ZNF420: variants seen among roughly 807,000 people sequenced by gnomAD.
ZNF420 encodes ATM and p53-associated KZNF protein.
A neutral mutation model predicts 44.7 loss-of-function variants in ZNF420; 31 were observed. The ratio of observed to expected loss-of-function variants is 0.69; its 90% CI spans 0.52 to 0.94. The LOEUF is 0.94. Among genes scored for constraint, ZNF420 ranks in the 40% least tolerant of loss-of-function variants. ZNF420 has a pLI of 0.00. For missense variants in ZNF420, 681 were observed against 827.9 expected (o/e 0.82, Z 2.18); for synonymous variants, 245 against 267.4 (o/e 0.92, Z 0.82).
intron 4 of ZNF420, among the ~76,000 whole-genome samples, chr19:37,094,925 G>A (rs1456611443): frequency 6.6e-6 from 1 of 152,080 alleles, no homozygotes; most frequent in Admixed American, 6.6e-5. Context: ...GAGGTCAAGA[G>A]ATCAAGACCA....
At chr19:37,102,810 A>G (rs1413123839) in intron 4 of ZNF420, among the ~76,000 whole-genome samples, 1 of 151,902 alleles carries the variant, frequency 6.6e-6, no homozygotes, top group Non-Finnish European at 1.5e-5. Context: ...TCTCATAAAC[A>G]CTTTTTAACT....
At chr19:37,012,891 G>T (rs1717935746) in intron 1 of ZNF420, among the ~76,000 whole-genome samples, 1 of 152,188 alleles carries the variant, frequency 6.6e-6, no homozygotes, top group Admixed American at 6.5e-5. Context: ...GTTTGCGTGT[G>T]TGTGTGTTGG....
chr19:37,126,545 G>GAATCTT (rs1971356671), intron 4 of ZNF420, among the ~76,000 whole-genome samples: 1 of 152,116 alleles, frequency 6.6e-6, no homozygotes, highest in Non-Finnish European at 1.5e-5. Context: ...ATCTGAATCT[G>GAATCTT]AATCAGTTGA....
rs2074668039 is a variant in ZNF420 at position 37,024,074 on chromosome 19, C to T, written c.-125+15992C>T. ...GAAACATTTGTATCCTCTCTCAAGC[C>T]TGCTACTTGGAGGCTTCATCTGCAG... On this transcript the variant is annotated intron_variant, in intron 1 of 4. Transcript: ENST00000587029. Among the ~76,000 whole-genome samples the T allele has an allele frequency of 2.0e-5, 3 of 152,132 alleles. No individual in the cohort carries two copies. In the South Asian group the frequency reaches 6.2e-4, roughly 32 times the overall value.
intron 1 of ZNF420, among the ~76,000 whole-genome samples, chr19:37,052,747 G>A (rs969259906): frequency 2.0e-5 from 3 of 152,212 alleles, no homozygotes; most frequent in Non-Finnish European, 2.9e-5. Context: ...AGTCTGATGG[G>A]CTTCCCTTTG....
chr19:37,085,745 C>A lies in ZNF420; in HGVS notation c.-80-3294C>A, dbSNP rs894922979. Among the ~76,000 whole-genome samples the A allele has an allele frequency of 1.3e-4, 20 of 151,248 alleles. No homozygotes were observed. The East Asian group carries it at 3.1e-3, about 24-fold the overall frequency. ...TAATTTTTTTCTTTATTTCTTTTTT[C>A]TTTCTTCTCTTTTCTTTTTTTTTAA... is the stretch of plus-strand genomic sequence containing the variant. On this transcript the variant is annotated intron_variant, in intron 2 of 4. Coordinates refer to ENST00000337995, the MANE Select transcript of ZNF420 (RefSeq NM_144689.5).
At chr19:37,049,640 C>T (rs770268780) in intron 1 of ZNF420, among the ~76,000 whole-genome samples, 5 of 152,040 alleles carry the variant, frequency 3.3e-5, no homozygotes, top group Non-Finnish European at 5.9e-5. Flanking sequence ...GAGCAGGTTG[C>T]GAAAATTTTC....
intron 4 of ZNF420, among the ~76,000 whole-genome samples, chr19:37,098,124 G>T (rs192945539): frequency 1.3e-5 from 2 of 151,960 alleles, no homozygotes; most frequent in African/African-American, 2.4e-5. Context: ...GCTAATTTTT[G>T]TAGTTTTTGT....
intron 4 of ZNF420, among the ~76,000 whole-genome samples, chr19:37,120,716 T>C (rs2145296116): frequency 6.6e-6 from 1 of 152,306 alleles, no homozygotes; most frequent in Admixed American, 6.5e-5. Flanking sequence ...ATTGTGTATC[T>C]AGAAAACCCC....
intron 4 of ZNF420, among the ~76,000 whole-genome samples, chr19:37,122,703 G>A (rs1479828381): frequency 6.6e-6 from 1 of 151,996 alleles, no homozygotes; most frequent in African/African-American, 2.4e-5. Flanking sequence ...TTCCTTCTTA[G>A]TCTCCATTGC....
chr19:37,039,446 C>G (rs1429437163), intron 1 of ZNF420, among the ~76,000 whole-genome samples: 1 of 152,124 alleles, frequency 6.6e-6, no homozygotes, highest in Admixed American at 6.6e-5. Flanking sequence ...TCTTGGGTGA[C>G]CAGGTATGTT....
At chr19:37,016,376 C>G (rs1035530803) in intron 1 of ZNF420, among the ~76,000 whole-genome samples, 1 of 152,154 alleles carries the variant, frequency 6.6e-6, no homozygotes, top group Admixed American at 6.6e-5. Context: ...AGTAGTGATC[C>G]GGTGTGGGGT....
intron 4 of ZNF420, among the ~76,000 whole-genome samples, chr19:37,124,629 A>G (rs7246022): frequency 0.56 from 85,112 of 151,818 alleles, 25,348 homozygotes; most frequent in African/African-American, 0.75. Flanking sequence ...CTTTATCACT[A>G]TAGACTCCTT....
chr19:37,102,994 AT>A (rs11342865), intron 4 of ZNF420, among the ~76,000 whole-genome samples: 85,145 of 151,672 alleles, frequency 0.56, 25,435 homozygotes, highest in African/African-American at 0.76. Context: ...TCATTTTCTG[AT>A]TTTTTATCTC....
intron 1 of ZNF420, among the ~76,000 whole-genome samples, chr19:37,045,956 G>T (rs1967535381): frequency 6.6e-6 from 1 of 152,174 alleles, no homozygotes; most frequent in Non-Finnish European, 1.5e-5. Context: ...CTTCTTACAT[G>T]GCAGTGGCAA....
In ZNF420 at chr19:37,128,931, A is replaced by G; in HGVS notation, c.1940A>G (p.Glu647Gly). ...GGTGAGAAACCATATCAATGTAAGGAATGTGGGAAGGCCTTTACTCGTGGT... is the reference window on the plus strand; with the variant it reads ...GGTGAGAAACCATATCAATGTAAGGGATGTGGGAAGGCCTTTACTCGTGGT... Reference protein sequence around the residue: ...HTGEKPYQCKECGKAFTRGSQ... With the variant: ...HTGEKPYQCKGCGKAFTRGSQ... Residue 647 changes from glutamate to glycine, a missense_variant, in exon 5 of 5, where the codon GAA becomes GGA. Around this residue, in one of 3 missense-constraint regions of ZNF420, gnomAD observed 280 missense variants for 338.6 expected, o/e 0.83. Coordinates refer to ENST00000337995, the MANE Select transcript of ZNF420 (RefSeq NM_144689.5). The G allele has an allele frequency of 2.5e-6, 4 of 1,614,158 alleles. No individual in the cohort carries two copies. Among genetic ancestry groups the G allele is most frequent in the Non-Finnish European group, 3.4e-6 (4 of 1,180,004 alleles).
intron 2 of ZNF420, 40 bp downstream of exon 2, chr19:37,080,428 T>C: frequency 6.6e-6 from 1 of 152,664 alleles, no homozygotes; most frequent in South Asian, 2.1e-4. Flanking sequence ...ACCTTTGTTA[T>C]TACAGGACAT....
At chr19:37,102,232 G>A (rs1255656875) in intron 4 of ZNF420, among the ~76,000 whole-genome samples, 1 of 152,080 alleles carries the variant, frequency 6.6e-6, no homozygotes, top group Admixed American at 6.5e-5. Flanking sequence ...GAGGGCCCAA[G>A]GCAAAGACTG....
chr19:37,116,279 G>T (rs536171053), intron 4 of ZNF420, among the ~76,000 whole-genome samples: 14 of 145,876 alleles, frequency 9.6e-5, no homozygotes, highest in African/African-American at 3.1e-4. Context: ...TGAGGCAAGA[G>T]AATTGCTTGA....
Sources: gnomAD v4.1 joint callset for allele counts (sites outside exome capture counted in the v4.1 genomes callset) on GRCh38, gnomAD v4.1.1 for gene constraint, gnomAD v4.1.1 regional missense constraint, MANE v1.5 for transcripts, NCBI Gene and HGNC (gene_info 2026-07-23, HGNC 2026-07-21) for gene names.